DNAH17: variants seen among roughly 807,000 people sequenced by gnomAD.
DNAH17 encodes the protein axonemal beta dynein heavy chain 17.
A neutral mutation model predicts 485.6 loss-of-function variants in DNAH17; 376 were observed. The ratio of observed to expected loss-of-function variants is 0.77; its 90% CI spans 0.71 to 0.84. The LOEUF is 0.84. Ranked by LOEUF, DNAH17 falls within the 40% of genes least tolerant of loss-of-function variation. The probability of loss-of-function intolerance (pLI) is 0.00; values close to 1 mark genes in which losing one functional copy is unlikely to be tolerated. For synonymous variants in DNAH17, 3,031 were observed against 2,405.9 expected (o/e 1.26, Z -7.60); for missense variants, 6,370 against 5,839.3 (o/e 1.09, Z -2.96).
Position 78,455,718 on chromosome 17 carries a change from C to T in DNAH17, c.10096G>A (p.Val3366Met), listed in dbSNP as rs113581341. ...CGGTATTTCTTGGTGAAGTAGCCCACGTAGGACACGAAGGCAGAGATGAGC... is the reference window on the plus strand; with the variant it reads ...CGGTATTTCTTGGTGAAGTAGCCCATGTAGGACACGAAGGCAGAGATGAGC... ...VLLISAFVSY[V>M]GYFTKKYRNE... Residue 3366 changes from valine (V) to methionine (M), a missense_variant, in exon 63 of 81, where the codon GTG becomes ATG. Coordinates refer to ENST00000389840, the MANE Select transcript of DNAH17 (RefSeq NM_173628.4). 6.1e-5 allele frequency: 98 copies of T among 1,607,072 alleles called. 1 individual carries two copies. Among genetic ancestry groups the T allele is most frequent in the South Asian group, 3.2e-4 (29 of 89,382 alleles).
chr17:78,553,481 T>C (rs1280840578), intron 14 of DNAH17, among the ~76,000 whole-genome samples: 1 of 151,954 alleles, frequency 6.6e-6, no homozygotes, highest in Non-Finnish European at 1.5e-5. Flanking sequence ...TTTGTATTTT[T>C]AGTAGACGCA....
chr17:78,567,113 C>A lies in DNAH17; in HGVS notation c.1338G>T (p.Gly446=). ...TCCCGAGGAGGTTCCCACGCACGCCCCCAAGCTCGATTTTCTCCAGCTTCA... is the reference window on the plus strand; with the variant it reads ...TCCCGAGGAGGTTCCCACGCACGCCACCAAGCTCGATTTTCTCCAGCTTCA... The part of the protein sequence containing the change: ...EFLKLEKIEL[G]GVRGNLLGSL... The change falls in exon 10 of 81, where the codon GGG becomes GGT. Residue 446 remains glycine, a synonymous_variant. Transcript: ENST00000389840. 6.2e-7 allele frequency: 1 copy of A among 1,611,566 alleles called. No individual in the cohort carries two copies. The highest frequency in any genetic ancestry group is 8.5e-7 in the Non-Finnish European group (1 of 1,178,882).
intron 48 of DNAH17, among the ~76,000 whole-genome samples, chr17:78,482,440 A>G (rs1435875745): frequency 2.0e-5 from 3 of 152,314 alleles, no homozygotes; most frequent in Middle Eastern, 3.4e-3. Context: ...TATACATTGC[A>G]AATGTTTTCT....
chr17:78,498,262 A>G (rs2090145377), intron 37 of DNAH17, among the ~76,000 whole-genome samples: 1 of 152,208 alleles, frequency 6.6e-6, no homozygotes, highest in Non-Finnish European at 1.5e-5. Flanking sequence ...CACACCCCAC[A>G]TGCTCCTGGT....
intron 48 of DNAH17, among the ~76,000 whole-genome samples, chr17:78,482,872 G>A (rs755681127): frequency 1.6e-4 from 24 of 152,200 alleles, no homozygotes; most frequent in Non-Finnish European, 3.2e-4. Flanking sequence ...GGGCAGATGT[G>A]GACCTAGGGC....
chr17:78,525,945 A>C (rs2091057832), intron 24 of DNAH17, among the ~76,000 whole-genome samples: 1 of 152,196 alleles, frequency 6.6e-6, no homozygotes, highest in Admixed American at 6.5e-5. Flanking sequence ...CCTGGGGTTC[A>C]CATTTGCTAG....
In DNAH17 at chr17:78,475,326, G is replaced by A. The variant is rs200383975; in HGVS notation, c.8463C>T (p.Asp2821=). Reference sequence around the variant, plus strand: ...CCTTCTTGAGGGTGATCTGAAACACGTCAAGCCCGCTGATGTACGCTGCCA... The same window carrying A: ...CCTTCTTGAGGGTGATCTGAAACACATCAAGCCCGCTGATGTACGCTGCCA... ...SRLAAYISGL[D]VFQITLKKGY... Residue 2821 remains aspartate, a synonymous_variant, in exon 54 of 81, where the codon GAC becomes GAT. Transcript: ENST00000389840. The A allele has an allele frequency of 3.4e-4, 541 of 1,613,968 alleles. No individual in the cohort carries two copies. Among genetic ancestry groups the A allele is most frequent in the Middle Eastern group, 3.3e-4 (2 of 6,062 alleles).
chr17:78,491,262 C>A (rs909885537), intron 43 of DNAH17, among the ~76,000 whole-genome samples, 181 bp downstream of exon 43: 1 of 152,230 alleles, frequency 6.6e-6, no homozygotes, highest in South Asian at 2.1e-4. Context: ...AAAACCACAA[C>A]GCATGTGACA....
chr17:78,459,899 T>A lies in DNAH17; in HGVS notation c.9538A>T (p.Lys3180Ter), dbSNP rs2088009513. Reference protein sequence around the residue: ...ILTAPGGKIPKDKSWKAAKIM... With the variant: ...ILTAPGGKIP ...TTGGCCGCCTTCCAGCTCTTGTCCTTGGGGATCTTGCCCCCAGGTGCGGTC... is the reference window on the plus strand; with the variant it reads ...TTGGCCGCCTTCCAGCTCTTGTCCTAGGGGATCTTGCCCCCAGGTGCGGTC... Residue 3180 changes from lysine (K) to a stop codon, truncating the protein, a stop_gained, in exon 60 of 81, where the codon AAG (lysine) becomes TAG (stop). Coordinates refer to ENST00000389840, the MANE Select transcript of DNAH17 (RefSeq NM_173628.4). LOFTEE classifies it high-confidence loss of function. 6.2e-7 allele frequency: 1 copy of A among 1,613,882 alleles called. No homozygotes were observed. Among genetic ancestry groups the A allele is most frequent in the Non-Finnish European group, 8.5e-7 (1 of 1,179,892 alleles).
chr17:78,446,329 C>T (rs2087298521), intron 69 of DNAH17, among the ~76,000 whole-genome samples: 1 of 152,080 alleles, frequency 6.6e-6, no homozygotes. Flanking sequence ...GCAGCCACTC[C>T]CCATCGCCCC....
intron 24 of DNAH17, among the ~76,000 whole-genome samples, chr17:78,526,407 A>C (rs1007731323): frequency 2.6e-5 from 4 of 152,090 alleles, no homozygotes; most frequent in Non-Finnish European, 5.9e-5. Flanking sequence ...CCATGCTCTG[A>C]GCTGCGAGAC....
intron 17 of DNAH17, among the ~76,000 whole-genome samples, chr17:78,543,322 C>T (rs1237374413): frequency 2.7e-5 from 4 of 146,584 alleles, no homozygotes; most frequent in African/African-American, 5.1e-5. Context: ...CTCGCTCTGT[C>T]GCCCAAGCCG....
At position 78,429,141 on chromosome 17, in the gene DNAH17, G is replaced by C. The variant is rs749751019; in HGVS notation, c.12385C>G (p.Pro4129Ala). Residue 4129 changes from proline (P) to alanine (A), a missense_variant, in exon 76 of 81, where the codon CCC becomes GCC. Physicochemically the swap from Pro to Ala is conservative, Grantham distance 27 (BLOSUM62 -1). Transcript: ENST00000389840. Reference protein sequence around the residue: ...DVLLAPGFQIPPNLDYKGYHE... With the variant: ...DVLLAPGFQIAPNLDYKGYHE... ...CTTACCTTGTAGTCCAGGTTGGGGG[G>C]GATCTGAAAGCCGGGGGCCAGCAGG... 2.6e-5 allele frequency: 42 copies of C among 1,613,220 alleles called. No homozygotes were observed. Among genetic ancestry groups the C allele is most frequent in the Non-Finnish European group, 3.3e-5 (39 of 1,179,770 alleles).
At chr17:78,549,600 TTTAG>T (rs2091853175) in intron 16 of DNAH17, among the ~76,000 whole-genome samples, 1 of 152,198 alleles carries the variant, frequency 6.6e-6, no homozygotes, top group African/African-American at 2.4e-5. Flanking sequence ...TACTTTGTGG[TTTAG>T]TTAAAAACTT....
rs762812539 is a variant in DNAH17, at chr17:78,492,781, G to A, written c.6409-16C>T. On this transcript the variant is annotated splice_polypyrimidine_tract_variant and intron_variant, in intron 41 of 80. Coordinates refer to ENST00000389840, the MANE Select transcript of DNAH17 (RefSeq NM_173628.4). ...ATTTGAGGACCTGGCGAAGGTGGGG[G>A]TCACTCACGTGTGACTCCATGTTCC... The A allele has an allele frequency of 6.2e-7, 1 of 1,608,764 alleles. No individual in the cohort carries two copies. Among genetic ancestry groups the A allele is most frequent in the Non-Finnish European group, 8.5e-7 (1 of 1,177,514 alleles).
chr17:78,526,535 C>T, intron 24 of DNAH17, 116 bp downstream of exon 24: 1 of 863,244 alleles, frequency 1.2e-6, no homozygotes, highest in Middle Eastern at 2.5e-4. Flanking sequence ...CGTGCACGGC[C>T]CCAAGGTCAG....
chr17:78,574,086 A>T (rs1055022758), intron 2 of DNAH17, among the ~76,000 whole-genome samples: 3 of 152,176 alleles, frequency 2.0e-5, no homozygotes, highest in Non-Finnish European at 4.4e-5. Context: ...ATGGGCAGCA[A>T]CCGTACCCGG....
Position 78,427,124 on chromosome 17 carries a change from C to T in DNAH17, c.12589-16G>A, listed in dbSNP as rs373502157. ...CGGCCTTCACCTGGAAGCCAGTCCC[C>T]GGACAGCCCCTGTCACTGCAAAGAG... On this transcript the variant is annotated splice_polypyrimidine_tract_variant and intron_variant, in intron 77 of 80. Coordinates refer to ENST00000389840, the MANE Select transcript of DNAH17 (RefSeq NM_173628.4). 27 of 1,560,154 alleles carry T rather than the reference C, an allele frequency of 1.7e-5. No homozygotes were observed. Among genetic ancestry groups the T allele is most frequent in the African/African-American group, 5.5e-5 (4 of 73,336 alleles).
intron 77 of DNAH17, among the ~76,000 whole-genome samples, chr17:78,427,833 G>C (rs1432585650): frequency 6.6e-6 from 1 of 152,200 alleles, no homozygotes; most frequent in Non-Finnish European, 1.5e-5. Flanking sequence ...GCCAGGTGTG[G>C]TGGCAGGCGC....
Sources: allele counts gnomAD v4.1 joint callset (sites outside exome capture counted in the v4.1 genomes callset), GRCh38; gene constraint gnomAD v4.1.1; transcripts MANE v1.5; gene names NCBI Gene and HGNC (gene_info 2026-07-23, HGNC 2026-07-21).